The following ZNF541 variants were observed in gnomAD, a reference collection of about 807,000 sequenced individuals.
The protein encoded by ZNF541 is zinc finger protein 541.
A neutral mutation model predicts 123.5 loss-of-function variants in ZNF541; 23 were observed. The observed-to-expected ratio is 0.19, with a 90% CI of 0.13 to 0.26. ZNF541 has a LOEUF of 0.26. Ranked by LOEUF, ZNF541 falls within the 10% of genes least tolerant of loss-of-function variation. The pLI, the probability that ZNF541 is intolerant of heterozygous loss-of-function variation, is 1.00. For synonymous variants in ZNF541, 751 were observed against 754.5 expected (o/e 1.00, Z 0.08); for missense variants, 1,612 against 1,789.9 (o/e 0.90, Z 1.79).
chr19:47,524,224 A>T (rs1427421079), intron 14 of ZNF541, among the ~76,000 whole-genome samples: 1 of 152,242 alleles, frequency 6.6e-6, no homozygotes, highest in Admixed American at 6.5e-5. Flanking sequence ...AATATCCAGC[A>T]TCCAACAGCT....
chr19:47,539,847 C>A lies in ZNF541; in HGVS notation c.2654G>T (p.Arg885Ile), dbSNP rs775133791. ...VFGTEFCKPL[R>I]QVLRPEGDRH... ...GTCCCCTTCTGGCCTCAGCACCTGT[C>A]TTAGCGGCTTGCAAAACTCTGTGCC... Residue 885 changes from arginine to isoleucine, a missense_variant, in exon 8 of 17, where the codon AGA (arginine) becomes ATA (isoleucine). Arg to Ile is a moderately conservative substitution (Grantham distance 97). Transcript: ENST00000391901. 4 of 1,522,266 alleles carry A rather than the reference C, an allele frequency of 2.6e-6. No homozygotes were observed. The East Asian group carries it at 1.0e-4, about 38-fold the overall frequency. 94.3% of individuals were successfully genotyped at this position (1,522,266 alleles called of 1,614,324 possible).
intron 4 of ZNF541, among the ~76,000 whole-genome samples, chr19:47,548,442 CAAAAAAAAAA>C (rs574466068): frequency 1.7e-5 from 1 of 60,360 alleles, no homozygotes; most frequent in Non-Finnish European, 4.2e-5. Flanking sequence ...GACTCCATCT[CAAAAAAAAAA>C]AAAAAAAAAG....
At chr19:47,549,530 C>A in intron 3 of ZNF541, 45 bp from the exon 4 acceptor site, 1 of 1,546,954 alleles carries the variant, frequency 6.5e-7, no homozygotes, top group Non-Finnish European at 8.7e-7. Context: ...CCAAGGCAAC[C>A]AAGCGAAAAG....
chr19:47,533,232 C>A (rs547697975), intron 9 of ZNF541, among the ~76,000 whole-genome samples: 1 of 151,326 alleles, frequency 6.6e-6, no homozygotes, highest in African/African-American at 2.4e-5. Context: ...AGTAGCCGGG[C>A]GTGGTAGTGG....
At chr19:47,554,918 A>AC (rs1335570827) in intron 3 of ZNF541, among the ~76,000 whole-genome samples, 1 of 151,446 alleles carries the variant, frequency 6.6e-6, no homozygotes, top group Non-Finnish European at 1.5e-5. Context: ...ATATGATGAA[A>AC]CCCCATCTCT....
At chr19:47,571,311 A>G (rs1971469887) in intron 2 of ZNF541, among the ~76,000 whole-genome samples, 1 of 152,110 alleles carries the variant, frequency 6.6e-6, no homozygotes, top group Admixed American at 6.5e-5. Context: ...ACAGGGTTTT[A>G]CTATATTGGC....
In ZNF541 at chr19:47,549,438, T is replaced by C. The variant is rs745583306; in HGVS notation, c.355A>G (p.Arg119Gly). The C allele has an allele frequency of 1.3e-6, 2 of 1,551,688 alleles. No homozygotes were observed. Among genetic ancestry groups the C allele is most frequent in the Non-Finnish European group, 1.7e-6 (2 of 1,146,994 alleles). ...TTCCTGGCACTCCCCGAGGTGGCCC[T>C]TCCTCCTTCGTCAGCCTCTTTAGCC... ...LKAKEADEGG[R>G]ATSGSARKGK... The change falls in exon 4 of 17, where the codon AGG becomes GGG. Residue 119 changes from arginine (R) to glycine (G), a missense_variant. Around this residue, in one of 5 missense-constraint regions of ZNF541, gnomAD observed 212 missense variants for 289.6 expected, o/e 0.73. Transcript: ENST00000391901.
At chr19:47,538,518 G>C in intron 8 of ZNF541, 79 bp from the exon 9 acceptor site, 1 of 1,385,124 alleles carries the variant, frequency 7.2e-7, no homozygotes, top group South Asian at 1.6e-5. Flanking sequence ...AAAGAGAGCA[G>C]GAAAAGGAGA....
intron 2 of ZNF541, among the ~76,000 whole-genome samples, chr19:47,558,582 A>G (rs1261349023): frequency 6.6e-6 from 1 of 151,832 alleles, no homozygotes; most frequent in East Asian, 1.9e-4. Flanking sequence ...AAACTTACTC[A>G]AGAAGAAACA....
rs1970793046 is a variant in ZNF541 at position 47,555,733 on chromosome 19, G to A, written c.124C>T (p.Arg42Ter). The change falls in exon 3 of 17, where the codon CGA becomes TGA. Residue 42 changes from arginine (R) to a stop codon, truncating the protein, a stop_gained. Transcript: ENST00000391901. LOFTEE classifies it high-confidence loss of function. Reference protein sequence around the residue: ...TLNRDLGPNTRGFLYAGLSGL... With the variant: ...TLNRDLGPNT The stretch of plus-strand genomic sequence containing the variant: ...CTCAGGCCAGCATAAAGAAAGCCTC[G>A]CGTGTTGGGACCCAAATCCCGGTTG... The A allele has an allele frequency of 4.5e-6, 7 of 1,551,724 alleles. No homozygotes were observed. Among genetic ancestry groups the A allele is most frequent in the African/African-American group, 1.4e-5 (1 of 73,154 alleles).
chr19:47,538,911 T>G (rs190862097), intron 8 of ZNF541, among the ~76,000 whole-genome samples: 68 of 152,236 alleles, frequency 4.5e-4, no homozygotes, highest in African/African-American at 1.6e-3. Context: ...ACGAGACTGA[T>G]CACTCGTAAC....
At position 47,521,590 on chromosome 19, in the gene ZNF541, T is replaced by C; in HGVS notation, c.3776A>G (p.Tyr1259Cys). The change falls in exon 16 of 17, where the codon TAT becomes TGT. Residue 1259 changes from tyrosine to cysteine, a missense_variant. Physicochemically the swap from Tyr to Cys is radical, Grantham distance 194. This residue lies in a region of ZNF541 where 285 missense variants were observed against 407.3 expected (regional missense o/e 0.70). Coordinates refer to ENST00000391901, the MANE Select transcript of ZNF541 (RefSeq NM_001277075.3). The surrounding 1 kb of genome is among the most constrained non-coding windows in gnomAD (Gnocchi z 4.2). The part of the protein sequence containing the change: ...HPTPKLKTKS[Y>C]RRESILSSSP... ...GGAGCTGAGGATGGACTCCCTCCTATAACTCTTGGTCTTTAACTTGGGAGT... is the reference window on the plus strand; with the variant it reads ...GGAGCTGAGGATGGACTCCCTCCTACAACTCTTGGTCTTTAACTTGGGAGT... 6.4e-7 allele frequency: 1 copy of C among 1,551,762 alleles called. No individual in the cohort carries two copies. The highest frequency in any genetic ancestry group is 1.2e-5 in the South Asian group (1 of 84,060).
chr19:47,566,033 C>T (rs1030375153), intron 2 of ZNF541, among the ~76,000 whole-genome samples: 5 of 151,972 alleles, frequency 3.3e-5, no homozygotes, highest in East Asian at 3.9e-4. Context: ...AAAAATTAGC[C>T]GCGCATGGTG....
intron 9 of ZNF541, among the ~76,000 whole-genome samples, chr19:47,534,955 G>C (rs1969748296): frequency 6.6e-6 from 1 of 151,686 alleles, no homozygotes. Context: ...CCTAACCTAA[G>C]AGTCAAAATT....
At position 47,561,097 on chromosome 19, in the gene ZNF541, A is replaced by C. The variant is rs146729187; in HGVS notation, c.-98-5143T>G. Among the ~76,000 whole-genome samples the C allele has an allele frequency of 3.2e-3, 492 of 152,304 alleles. 2 individuals are homozygous for C. Among genetic ancestry groups the C allele is most frequent in the African/African-American group, 0.011 (461 of 41,556 alleles). On this transcript the variant is annotated intron_variant, in intron 2 of 16. Coordinates refer to ENST00000391901, the MANE Select transcript of ZNF541 (RefSeq NM_001277075.3). Reference sequence around the variant, plus strand: ...CAGTTGTGTGGTTTGTGGGGTGAGGAGTGAAACTATTTTGCATGATAATCT... The same window carrying C: ...CAGTTGTGTGGTTTGTGGGGTGAGGCGTGAAACTATTTTGCATGATAATCT...
chr19:47,537,043 G>A (rs993787142), intron 9 of ZNF541, among the ~76,000 whole-genome samples: 2 of 152,198 alleles, frequency 1.3e-5, no homozygotes, highest in African/African-American at 4.8e-5. Context: ...TCCAAAGAGA[G>A]AAGGCAGATG....
At position 47,544,740 on chromosome 19, in the gene ZNF541, ACGGCCCCTGCAG is replaced by A; in HGVS notation, c.1777_1788del (p.Leu593_Pro596del). 6.7e-7 allele frequency: 1 copy of A among 1,500,286 alleles called. No individual in the cohort carries two copies. The highest frequency in any genetic ancestry group is 1.3e-5 in the South Asian group (1 of 78,432). 92.9% of individuals were successfully genotyped at this position (1,500,286 alleles called of 1,614,324 possible). ...GCCAGTGGTGGGGGCTGCTGCGGCC[ACGGCCCCTGCAG>A]CGGCCTCAGGGCGGCTGGTTTGCCC... On this transcript the variant is annotated inframe_deletion, in exon 5 of 17. Coordinates refer to ENST00000391901, the MANE Select transcript of ZNF541 (RefSeq NM_001277075.3).
At chr19:47,540,528 C>T in intron 6 of ZNF541, among the ~76,000 whole-genome samples, 193 bp from the exon 7 acceptor site, 1 of 152,020 alleles carries the variant, frequency 6.6e-6, no homozygotes, top group East Asian at 1.9e-4. Context: ...TAACCTCCAC[C>T]TCCTGGGTTC....
intron 14 of ZNF541, among the ~76,000 whole-genome samples, chr19:47,523,209 T>C (rs1969122513): frequency 6.6e-6 from 1 of 150,994 alleles, no homozygotes; most frequent in African/African-American, 2.4e-5. Context: ...TTTGTGTTTT[T>C]AGTAGAGACG....
Sources: allele counts gnomAD v4.1 joint callset (sites outside exome capture counted in the v4.1 genomes callset), GRCh38; gene constraint gnomAD v4.1.1; regional missense constraint gnomAD v4.1.1; non-coding constraint Gnocchi (gnomAD v3.1); transcripts MANE v1.5; gene names NCBI Gene and HGNC (gene_info 2026-07-23, HGNC 2026-07-21).